MAPT: variants seen among roughly 807,000 people sequenced by gnomAD.
MAPT encodes the protein microtubule associated protein tau.
In MAPT, 34 loss-of-function variants were observed where a neutral mutation model predicts 67.9. The ratio of observed to expected loss-of-function variants is 0.50; its 90% CI spans 0.38 to 0.67. The LOEUF (loss-of-function observed/expected upper bound fraction) is 0.67. MAPT is among the 30% of genes least tolerant of loss of function. MAPT has a pLI of 0.00. For synonymous variants in MAPT, 456 were observed against 464.5 expected, an observed-to-expected ratio of 0.98 and a Z score of 0.23; for missense variants, 881 against 1,115.2, an observed-to-expected ratio of 0.79 and a Z score of 2.99.
chr17:45,999,653 C>G lies in MAPT; in HGVS notation c.1998+2989C>G, dbSNP rs752056828. ...ATGAGGGGTGAGAGTCAGGCGACCT[C>G]ATGCCAAGTGTAGAAAGGGGCAGAT... On this transcript the variant is annotated intron_variant, in intron 9 of 12. Coordinates refer to ENST00000262410, the MANE Select transcript of MAPT (RefSeq NM_001377265.1). 1.4e-5 allele frequency: 23 copies of G among 1,604,120 alleles called. 1 individual carries two copies. The Middle Eastern group carries it at 1.0e-3, about 70-fold the overall frequency.
intron 1 of MAPT, among the ~76,000 whole-genome samples, chr17:45,922,409 A>T (rs2065827247): frequency 6.6e-6 from 1 of 151,488 alleles, no homozygotes; most frequent in African/African-American, 2.4e-5. Context: ...AATGTCTGGC[A>T]CTTCTAATTC....
chr17:45,903,993 T>TTTATAC (rs1239064929), intron 1 of MAPT, among the ~76,000 whole-genome samples: 209 of 20,692 alleles, frequency 0.01, 11 homozygotes, highest in African/African-American at 0.04. Context: ...TATATTTATA[T>TTTATAC]ATATTATATA....
intron 4 of MAPT, chr17:45,978,745 C>A: frequency 2.8e-6 from 1 of 362,548 alleles, no homozygotes; most frequent in African/African-American, 2.1e-5. Flanking sequence ...TGGCTCACGC[C>A]TCTAATCCCA....
chr17:45,946,162 C>CA (rs1483279366), intron 1 of MAPT, among the ~76,000 whole-genome samples: 1 of 152,046 alleles, frequency 6.6e-6, no homozygotes, highest in Admixed American at 6.5e-5. Context: ...GCTTCTCATC[C>CA]ACTTGGGGCT....
At chr17:46,003,718 G>T (rs1355908917) in intron 9 of MAPT, among the ~76,000 whole-genome samples, 1 of 152,214 alleles carries the variant, frequency 6.6e-6, no homozygotes, top group Non-Finnish European at 1.5e-5. Flanking sequence ...AGGGATGCAG[G>T]TGAGCTTGGG....
At chr17:45,989,375 G>T (rs927906524) in intron 6 of MAPT, among the ~76,000 whole-genome samples, 6 of 152,146 alleles carry the variant, frequency 3.9e-5, no homozygotes, top group Admixed American at 2.6e-4. Context: ...TCAGGGCCAG[G>T]CGCGGTGGCT....
chr17:45,917,664 G>A (rs1258493520), intron 1 of MAPT, among the ~76,000 whole-genome samples: 2 of 152,146 alleles, frequency 1.3e-5, no homozygotes, highest in African/African-American at 4.8e-5. Context: ...CAGGGTGAGG[G>A]AACAGTTCCC....
intron 9 of MAPT, among the ~76,000 whole-genome samples, chr17:46,003,097 G>A (rs1374280920): frequency 7.4e-6 from 1 of 134,548 alleles, no homozygotes; most frequent in African/African-American, 2.6e-5. Context: ...TCTTTTTAAG[G>A]GCGTGTGTGT....
intron 1 of MAPT, among the ~76,000 whole-genome samples, chr17:45,904,314 C>T (rs1239067489): frequency 3.3e-4 from 10 of 30,656 alleles, no homozygotes; most frequent in South Asian, 1.0e-3. Context: ...TATATAAAAA[C>T]ATATATAATA....
At chr17:45,946,615 A>AAAAAAAAAAAATATATATATAT in intron 1 of MAPT, among the ~76,000 whole-genome samples, 36 of 100,344 alleles carry the variant, frequency 3.6e-4, no homozygotes, top group Non-Finnish European at 6.1e-4. Flanking sequence ...AAAAAAAAAA[A>AAAAAAAAAAAATATATATATAT]ATATATATAT....
intron 2 of MAPT, among the ~76,000 whole-genome samples, chr17:45,966,791 G>A (rs62063294): frequency 0.14 from 21,950 of 151,922 alleles, 2,133 homozygotes; most frequent in Non-Finnish European, 0.22. Flanking sequence ...ATATGTGTGT[G>A]TATATATATA....
intron 3 of MAPT, chr17:45,976,579 C>T (rs1169325981): frequency 6.6e-6 from 1 of 152,406 alleles, no homozygotes; most frequent in African/African-American, 2.4e-5. Context: ...TCCCCATGGG[C>T]CATCCAGTTG....
intron 3 of MAPT, 99 bp from the exon 4 acceptor site, chr17:45,978,276 T>C (rs771204884): frequency 1.1e-6 from 1 of 930,764 alleles, no homozygotes; most frequent in East Asian, 2.4e-5. Flanking sequence ...CTTTCCTGAA[T>C]GTTTAAGGGA....
At chr17:45,962,555 A>C in intron 2 of MAPT, 85 bp downstream of exon 2, 7 of 1,503,652 alleles carry the variant, frequency 4.7e-6, no homozygotes, top group Non-Finnish European at 6.4e-6. Flanking sequence ...ATTGCAAAGA[A>C]ATTTTAAATA....
chr17:45,932,804 G>A (rs528752908), intron 1 of MAPT, among the ~76,000 whole-genome samples: 8 of 152,030 alleles, frequency 5.3e-5, no homozygotes, highest in African/African-American at 9.6e-5. Flanking sequence ...AGACAGGGCC[G>A]GGTGCAGTGG....
chr17:46,010,500 C>A lies in MAPT; in HGVS notation c.2091+98C>A, dbSNP rs1568327701. The A allele has an allele frequency of 1.1e-6, 1 of 885,764 alleles. No homozygotes were observed. The allele number at this position is 885,764 out of a possible 1,614,324, so 54.9% of individuals were successfully genotyped here. A position where few individuals can be genotyped will look rare whatever the true frequency, so the allele number is the denominator to read the frequency against. ...TTGCGAGACACTGCATAGAATAAAT[C>A]CTTCTTGGGCTCTCAGGATCTGGCT... On this transcript the variant is annotated intron_variant, in intron 10 of 12. Coordinates refer to ENST00000262410, the MANE Select transcript of MAPT (RefSeq NM_001377265.1). This position sits in a 1 kb window ranked among gnomAD's most constrained non-coding sequence, Gnocchi z 4.7.
chr17:45,993,208 A>G (rs1473867386), intron 8 of MAPT, among the ~76,000 whole-genome samples: 2 of 152,188 alleles, frequency 1.3e-5, no homozygotes, highest in Non-Finnish European at 1.5e-5. Flanking sequence ...TCTCGCACAC[A>G]TGCCGTGCAG....
In MAPT at chr17:45,983,208, G is replaced by T. The variant is rs371983180; in HGVS notation, c.629G>T (p.Gly210Val). The T allele has an allele frequency of 1.1e-5, 18 of 1,608,330 alleles. No individual in the cohort carries two copies. The highest frequency in any genetic ancestry group is 2.2e-5 in the East Asian group (1 of 44,792). The change falls in exon 5 of 13, where the codon GGC becomes GTC. Residue 210 changes from glycine (G) to valine (V), a missense_variant. Coordinates refer to ENST00000262410, the MANE Select transcript of MAPT (RefSeq NM_001377265.1). ...GAAAGTGGTAAGGTGGTCCAGGAAG[G>T]CTTCCTCCGAGAGCCAGGCCCCCCA... The part of the protein sequence containing the change: ...EPESGKVVQE[G>V]FLREPGPPGL...
Position 45,962,301 on chromosome 17 carries a change from C to T in MAPT, c.-17-20C>T. 6.2e-7 allele frequency: 1 copy of T among 1,608,752 alleles called. No individual in the cohort carries two copies. The highest frequency in any genetic ancestry group is 8.5e-7 in the Non-Finnish European group (1 of 1,177,870). ...CCCCCAACACTCCTCAGAACTTATCCTCTCCTCTTCTTTCCCCAGGTGAAC... is the reference window on the plus strand; with the variant it reads ...CCCCCAACACTCCTCAGAACTTATCTTCTCCTCTTCTTTCCCCAGGTGAAC... On this transcript the variant is annotated intron_variant, in intron 1 of 12. Transcript: ENST00000262410.
Sources: gnomAD v4.1 joint callset for allele counts (sites outside exome capture counted in the v4.1 genomes callset) on GRCh38, gnomAD v4.1.1 for gene constraint, Gnocchi (gnomAD v3.1) non-coding constraint, MANE v1.5 for transcripts, NCBI Gene and HGNC (gene_info 2026-07-23, HGNC 2026-07-21) for gene names.